ATRNL1: variants seen among roughly 807,000 people sequenced by gnomAD.
The protein encoded by ATRNL1 is attractin-like protein 1.
ATRNL1 carries 95 observed loss-of-function variants against 182.7 expected under a neutral mutation model. That is an observed-to-expected ratio of 0.52 (90% CI 0.44 to 0.62). ATRNL1 has a LOEUF of 0.62. Among genes scored for constraint, ATRNL1 ranks in the 20% least tolerant of loss-of-function variants. The probability of loss-of-function intolerance (pLI) is 0.00; values close to 1 mark genes in which losing one functional copy is unlikely to be tolerated. For missense variants in ATRNL1, 1,471 were observed against 1,679.5 expected (o/e 0.88, Z 2.17); for synonymous variants, 576 against 568.3 (o/e 1.01, Z -0.19).
At chr10:115,622,014 G>A (rs1408052675) in intron 26 of ATRNL1, among the ~76,000 whole-genome samples, 1 of 152,182 alleles carries the variant, frequency 6.6e-6, no homozygotes, top group Non-Finnish European at 1.5e-5. Context: ...TGTGGAAGGG[G>A]AGAGCAGAGG....
chr10:115,143,162 A>G (rs2143830983), intron 5 of ATRNL1, among the ~76,000 whole-genome samples: 1 of 152,308 alleles, frequency 6.6e-6, no homozygotes, highest in East Asian at 1.9e-4. Flanking sequence ...ATCGAACCAA[A>G]GACTGAACTG....
At chr10:115,511,514 TTTTG>T (rs1850385261) in intron 24 of ATRNL1, among the ~76,000 whole-genome samples, 1 of 151,876 alleles carries the variant, frequency 6.6e-6, no homozygotes, top group South Asian at 2.1e-4. Flanking sequence ...CATTTTCCTT[TTTTG>T]TTTATCTGAA....
At position 115,223,913 on chromosome 10, in the gene ATRNL1, G is replaced by GTGTGTATA. The variant is rs71476115; in HGVS notation, c.1532+8034_1532+8035insGTGTATAT. ...TGTGTGTGTGTGTGTGTGTGTGTGT[G>GTGTGTATA]TATATATATATATATATTTTTTTTT... On this transcript the variant is annotated intron_variant, in intron 9 of 28. Transcript: ENST00000355044. Among the ~76,000 whole-genome samples, 57 of 55,894 alleles carry GTGTGTATA rather than the reference G, an allele frequency of 1.0e-3. 1 individual carries two copies. Among genetic ancestry groups the GTGTGTATA allele is most frequent in the South Asian group, 1.4e-3 (2 of 1,426 alleles). The allele number at this position is 55,894 out of a possible 152,430, so 36.7% of individuals were successfully genotyped here.
chr10:115,243,935 T>G lies in ATRNL1; in HGVS notation c.1687+2210T>G, dbSNP rs2440314. Among the ~76,000 whole-genome samples the G allele has an allele frequency of 9.0e-3, 1,373 of 152,260 alleles. 19 individuals carry two copies. Among genetic ancestry groups the G allele is most frequent in the African/African-American group, 0.032 (1,314 of 41,576 alleles). ...AAATGTTCTCTAAAATAATCTGTTT[T>G]ATCCTCCTGGGTTTGGAGTATGAAA... On this transcript the variant is annotated intron_variant, in intron 10 of 28. Coordinates refer to ENST00000355044, the MANE Select transcript of ATRNL1 (RefSeq NM_207303.4).
chr10:115,140,766 CTT>C (rs1176702333), intron 5 of ATRNL1, among the ~76,000 whole-genome samples: 1 of 152,110 alleles, frequency 6.6e-6, no homozygotes. Flanking sequence ...GTTTTAAACT[CTT>C]AAATTATTGA....
rs116200107 is a variant in ATRNL1 at position 115,590,214 on chromosome 10, A to G, written c.3795+40678A>G. On this transcript the variant is annotated intron_variant, in intron 26 of 28. Coordinates refer to ENST00000355044, the MANE Select transcript of ATRNL1 (RefSeq NM_207303.4). ...TCTTTCAGATAGAGATGCAGAGACT[A>G]ATTTGAAATGAATACATAGCCTAAC... is the stretch of plus-strand genomic sequence containing the variant. 9.1e-3 allele frequency among the ~76,000 whole-genome samples: 1,388 copies of G among 152,346 alleles called. 16 individuals are homozygous for G. The highest frequency in any genetic ancestry group is 0.031 in the African/African-American group (1,269 of 41,592).
chr10:115,179,029 C>G (rs1847644493), intron 8 of ATRNL1, among the ~76,000 whole-genome samples: 1 of 151,948 alleles, frequency 6.6e-6, no homozygotes, highest in Non-Finnish European at 1.5e-5. Flanking sequence ...ATATTAAATG[C>G]TTGATAAATA....
intron 27 of ATRNL1, among the ~76,000 whole-genome samples, chr10:115,799,568 A>G (rs1949742609): frequency 6.6e-6 from 1 of 152,198 alleles, no homozygotes; most frequent in Non-Finnish European, 1.5e-5. Context: ...TTGCTCTCCC[A>G]GAAGTCCCAG....
chr10:115,933,619 A>G (rs891689632), intron 28 of ATRNL1, among the ~76,000 whole-genome samples: 18 of 152,224 alleles, frequency 1.2e-4, no homozygotes, highest in African/African-American at 4.1e-4. Flanking sequence ...ACCTACTCCA[A>G]CTGCTTTCCA....
intron 19 of ATRNL1, among the ~76,000 whole-genome samples, chr10:115,371,020 G>A (rs1857366676): frequency 6.6e-6 from 1 of 152,160 alleles, no homozygotes; most frequent in Non-Finnish European, 1.5e-5. Context: ...GTACAGCTTG[G>A]GCCATGGGTT....
chr10:115,364,289 TGG>T (rs1554945201), intron 19 of ATRNL1, among the ~76,000 whole-genome samples: 1 of 123,270 alleles, frequency 8.1e-6, no homozygotes, highest in African/African-American at 3.0e-5. Context: ...CAATTGTGAA[TGG>T]GAGTTCACTC....
intron 26 of ATRNL1, among the ~76,000 whole-genome samples, chr10:115,724,506 G>A (rs1555059215): frequency 6.6e-6 from 1 of 152,116 alleles, no homozygotes; most frequent in Non-Finnish European, 1.5e-5. Flanking sequence ...AACAGCCCAA[G>A]TGTGTTATCT....
chr10:115,405,651 C>A (rs1844784795), intron 20 of ATRNL1, among the ~76,000 whole-genome samples: 1 of 151,860 alleles, frequency 6.6e-6, no homozygotes, highest in East Asian at 1.9e-4. Flanking sequence ...TAGAGTATTT[C>A]ATTATATAAT....
At chr10:115,922,888 T>G (rs1301431401) in intron 28 of ATRNL1, among the ~76,000 whole-genome samples, 1 of 152,112 alleles carries the variant, frequency 6.6e-6, no homozygotes, top group Non-Finnish European at 1.5e-5. Context: ...ATCAAAAGAA[T>G]TTAGAATTTT....
intron 27 of ATRNL1, among the ~76,000 whole-genome samples, chr10:115,746,931 T>C (rs1417650243): frequency 6.6e-6 from 1 of 152,082 alleles, no homozygotes; most frequent in Non-Finnish European, 1.5e-5. Context: ...GTTTATTATA[T>C]TCCAGACAGT....
At chr10:115,799,083 C>T (rs985907012) in intron 27 of ATRNL1, among the ~76,000 whole-genome samples, 1 of 152,088 alleles carries the variant, frequency 6.6e-6, no homozygotes, top group South Asian at 2.1e-4. Context: ...CCTCAGCCTT[C>T]CAAAGTACTG....
At chr10:115,648,195 C>T (rs955592673) in intron 26 of ATRNL1, among the ~76,000 whole-genome samples, 12 of 152,066 alleles carry the variant, frequency 7.9e-5, no homozygotes, top group Non-Finnish European at 4.4e-5. Context: ...GAGTGAACTC[C>T]CGTTCACAAT....
intron 19 of ATRNL1, among the ~76,000 whole-genome samples, chr10:115,342,721 T>G (rs1554938728): frequency 1.3e-5 from 2 of 152,136 alleles, no homozygotes; most frequent in African/African-American, 4.8e-5. Context: ...TGCTGATTAA[T>G]GTCATTTTTT....
intron 24 of ATRNL1, among the ~76,000 whole-genome samples, chr10:115,493,516 T>G (rs1849408541): frequency 6.6e-6 from 1 of 152,220 alleles, no homozygotes; most frequent in African/African-American, 2.4e-5. Flanking sequence ...AGCCCACCAC[T>G]GATGACCATC....
Sources: gnomAD v4.1 joint callset for allele counts (sites outside exome capture counted in the v4.1 genomes callset) on GRCh38, gnomAD v4.1.1 for gene constraint, MANE v1.5 for transcripts, NCBI Gene and HGNC (gene_info 2026-07-23, HGNC 2026-07-21) for gene names.